Variants in CEP97 observed in about 807,000 individuals in gnomAD.
The protein encoded by CEP97 is centrosomal protein of 97 kDa.
CEP97 carries 43 observed loss-of-function variants against 73.1 expected under a neutral mutation model. That is an observed-to-expected ratio of 0.59 (90% CI 0.46 to 0.76). The LOEUF is 0.76. Ranked by LOEUF, CEP97 falls within the 30% of genes least tolerant of loss-of-function variation. The probability of loss-of-function intolerance (pLI) is 0.00; values close to 1 mark genes in which losing one functional copy is unlikely to be tolerated. For missense variants in CEP97, 939 were observed against 1,014.0 expected, an observed-to-expected ratio of 0.93 and a Z score of 1.00; for synonymous variants, 337 against 370.0, an observed-to-expected ratio of 0.91 and a Z score of 1.02.
rs1939300826 is a variant in CEP97 at position 101,765,694 on chromosome 3, C to T, written c.*143C>T. On this transcript the variant is annotated 3_prime_UTR_variant, in exon 11 of 11. Transcript: ENST00000341893. ...ATTTGTATTCATGTCTTATATTTTT[C>T]AGATTCTAGATATTGAGCTGAGTTT... The T allele has an allele frequency of 3.1e-6, 2 of 651,900 alleles. No individual in the cohort carries two copies. The highest frequency in any genetic ancestry group is 1.8e-5 in the African/African-American group (1 of 54,608). 40.4% of individuals were successfully genotyped at this position (651,900 alleles called of 1,614,324 possible). A position where few individuals can be genotyped will look rare whatever the true frequency, so the allele number is the denominator to read the frequency against.
chr3:101,727,493 G>C lies in CEP97; in HGVS notation c.297G>C (p.Lys99Asn), dbSNP rs751639054. The C allele has an allele frequency of 6.2e-7, 1 of 1,613,528 alleles. No individual in the cohort carries two copies. Among genetic ancestry groups the C allele is most frequent in the Non-Finnish European group, 8.5e-7 (1 of 1,179,694 alleles). Residue 99 changes from lysine to asparagine, a missense_variant, in exon 3 of 11, where the codon AAG becomes AAC. Transcript: ENST00000341893. The stretch of plus-strand genomic sequence containing the variant: ...GCATTGGCTGTGTGGAAGGGCTAAA[G>C]GAACTAGTACATCTGGAATGGCTGA... ...HNSIGCVEGLKELVHLEWLNL... is the reference protein window; with the variant it reads ...HNSIGCVEGLNELVHLEWLNL...
chr3:101,725,560 A>G (rs894503253), intron 1 of CEP97, among the ~76,000 whole-genome samples: 1 of 152,138 alleles, frequency 6.6e-6, no homozygotes, highest in African/African-American at 2.4e-5. Flanking sequence ...AAGGCTGTGC[A>G]CTTTTCTGAG....
intron 6 of CEP97, among the ~76,000 whole-genome samples, chr3:101,743,823 A>C (rs1165914982): frequency 6.6e-6 from 1 of 152,006 alleles, no homozygotes; most frequent in Admixed American, 6.6e-5. Flanking sequence ...ACCAATACAG[A>C]GAAACCCCGC....
intron 6 of CEP97, among the ~76,000 whole-genome samples, chr3:101,733,631 C>T (rs556080633): frequency 2.1e-4 from 31 of 150,700 alleles, no homozygotes; most frequent in African/African-American, 3.6e-4. Flanking sequence ...CCCGGGTTCA[C>T]GCCATTCTCC....
At chr3:101,762,642 G>T in intron 10 of CEP97, 82 bp downstream of exon 10, 2 of 1,064,564 alleles carry the variant, frequency 1.9e-6, no homozygotes, top group Non-Finnish European at 2.7e-6. Context: ...GAGTACTCAG[G>T]TGTATTAAGC....
chr3:101,733,112 G>T (rs1938164837), intron 6 of CEP97, among the ~76,000 whole-genome samples: 1 of 152,082 alleles, frequency 6.6e-6, no homozygotes, highest in African/African-American at 2.4e-5. Context: ...GACAGAGTGA[G>T]ACCCTGTCTC....
rs1264585092 is a variant in CEP97, at chr3:101,726,622, A to T, written c.72A>T (p.Gly24=). The stretch of plus-strand genomic sequence containing the variant: ...CAGTGGTCAATTGGTCAGGACAGGG[A>T]CTACAGAAATTAGGTCCAAATTTAC... ...EGSVVNWSGQ[G]LQKLGPNLPC... Residue 24 remains glycine, a synonymous_variant, in exon 2 of 11, where the codon GGA becomes GGT. Coordinates refer to ENST00000341893, the MANE Select transcript of CEP97 (RefSeq NM_024548.4). The T allele has an allele frequency of 2.5e-6, 4 of 1,611,672 alleles. No homozygotes were observed. Among genetic ancestry groups the T allele is most frequent in the Non-Finnish European group, 3.4e-6 (4 of 1,178,788 alleles).
At chr3:101,753,899 C>T (rs1166657187) in intron 6 of CEP97, among the ~76,000 whole-genome samples, 1 of 152,192 alleles carries the variant, frequency 6.6e-6, no homozygotes, top group African/African-American at 2.4e-5. Flanking sequence ...GCGCACGGTG[C>T]GCTGCACCCA....
At chr3:101,738,548 C>T (rs1290606591) in intron 6 of CEP97, among the ~76,000 whole-genome samples, 6 of 152,176 alleles carry the variant, frequency 3.9e-5, no homozygotes. Flanking sequence ...TAAAACCGCC[C>T]AACTACACGG....
At chr3:101,744,868 C>T (rs1319951889) in intron 6 of CEP97, among the ~76,000 whole-genome samples, 1 of 152,182 alleles carries the variant, frequency 6.6e-6, no homozygotes, top group Non-Finnish European at 1.5e-5. Flanking sequence ...AAAGTCTGCC[C>T]ATCCTGGTTG....
At chr3:101,750,608 C>G (rs1938777655) in intron 6 of CEP97, among the ~76,000 whole-genome samples, 1 of 152,168 alleles carries the variant, frequency 6.6e-6, no homozygotes, top group East Asian at 1.9e-4. Flanking sequence ...TTGGTCTGTT[C>G]AGAGATTCAA....
At chr3:101,733,679 C>T (rs985035824) in intron 6 of CEP97, among the ~76,000 whole-genome samples, 29 of 150,774 alleles carry the variant, frequency 1.9e-4, no homozygotes, top group Admixed American at 9.9e-4. Flanking sequence ...TACAGGCGCC[C>T]GCCACTACGC....
intron 2 of CEP97, 34 bp downstream of exon 2, chr3:101,726,770 G>A (rs949575423): frequency 5.5e-6 from 8 of 1,465,726 alleles, no homozygotes; most frequent in Non-Finnish European, 7.4e-6. Flanking sequence ...GGTTACATAG[G>A]ATCAATTTAT....
At chr3:101,734,005 T>G (rs1938200177) in intron 6 of CEP97, among the ~76,000 whole-genome samples, 1 of 152,006 alleles carries the variant, frequency 6.6e-6, no homozygotes, top group Non-Finnish European at 1.5e-5. Flanking sequence ...TTTGTATTTT[T>G]AGTGGAGGCA....
Position 101,757,538 on chromosome 3 carries a change from C to T in CEP97, c.1028-96C>T, listed in dbSNP as rs535016593. The T allele has an allele frequency of 1.5e-5, 18 of 1,196,298 alleles. No homozygotes were observed. In the East Asian group the frequency reaches 2.7e-4, roughly 18 times the overall value. The allele number at this position is 1,196,298 out of a possible 1,614,324, so 74.1% of individuals were successfully genotyped here. The stretch of plus-strand genomic sequence containing the variant: ...AGAAGTCACTGAGGGGATTTTTTTG[C>T]ATTTTACTCTATTTCAAGGAATAGA... On this transcript the variant is annotated intron_variant, in intron 8 of 10. Transcript: ENST00000341893.
In CEP97 at chr3:101,726,673, G is replaced by C. The variant is rs1342341554; in HGVS notation, c.123G>C (p.Leu41Phe). Residue 41 changes from leucine to phenylalanine, a missense_variant, in exon 2 of 11, where the codon TTG becomes TTC. Physicochemically the swap from Leu to Phe is conservative, Grantham distance 22. Transcript: ENST00000341893. The part of the protein sequence containing the change: ...NLPCEADIHT[L>F]ILDKNQIIKL... The stretch of plus-strand genomic sequence containing the variant: ...CCTGTGAAGCTGATATTCACACTTT[G>C]ATTCTGGATAAAAATCAGATTATTA... 2 of 1,608,288 alleles carry C rather than the reference G, an allele frequency of 1.2e-6. No homozygotes were observed. The highest frequency in any genetic ancestry group is 2.2e-5 in the East Asian group (1 of 44,732).
intron 6 of CEP97, among the ~76,000 whole-genome samples, chr3:101,742,851 AAAAT>A (rs937015922): frequency 7.2e-5 from 11 of 152,162 alleles, no homozygotes; most frequent in East Asian, 5.8e-4. Context: ...CCATCTCAAA[AAAAT>A]AAATAAATAA....
chr3:101,769,771 G>A lies in CEP97; in HGVS notation c.*4220G>A, dbSNP rs1441725883. ...ATACCCTCATTCATGAAGTGAAGCA[G>A]AAAGGGTCTGTAAGGAACATTCTAA... On this transcript the variant is annotated 3_prime_UTR_variant, in exon 11 of 11. Coordinates refer to ENST00000341893, the MANE Select transcript of CEP97 (RefSeq NM_024548.4). 1 of 152,188 alleles carries A rather than the reference G, an allele frequency of 6.6e-6. No homozygotes were observed. Among genetic ancestry groups the A allele is most frequent in the East Asian group, 1.9e-4 (1 of 5,202 alleles). 9.4% of individuals were successfully genotyped at this position (152,188 alleles called of 1,614,324 possible).
chr3:101,732,580 C>T lies in CEP97; in HGVS notation c.654C>T (p.Asp218=). 6.2e-7 allele frequency: 1 copy of T among 1,614,114 alleles called. No homozygotes were observed. ...CAACACCATCCATCCCAGGATTTGACTATCGGCCGTACATCGTCAGCTGGT... is the reference window on the plus strand; with the variant it reads ...CAACACCATCCATCCCAGGATTTGATTATCGGCCGTACATCGTCAGCTGGT... ...VMATPSIPGF[D]YRPYIVSWCL... The change falls in exon 6 of 11, where the codon GAC becomes GAT. Residue 218 remains aspartate, a synonymous_variant. Coordinates refer to ENST00000341893, the MANE Select transcript of CEP97 (RefSeq NM_024548.4).
Sources: allele counts gnomAD v4.1 joint callset (sites outside exome capture counted in the v4.1 genomes callset), GRCh38; gene constraint gnomAD v4.1.1; transcripts MANE v1.5; gene names NCBI Gene and HGNC (gene_info 2026-07-23, HGNC 2026-07-21).